The following ORC4 variants were observed in gnomAD, a reference collection of about 807,000 sequenced individuals.
ORC4 encodes origin recognition complex subunit 4, also known as origin recognition complex, subunit 4 homolog.
Under a neutral mutation model 63.9 loss-of-function variants are expected in ORC4, and 55 were observed. The ratio of observed to expected loss-of-function variants is 0.86; its 90% CI spans 0.69 to 1.08. The LOEUF is 1.08. Ranked by LOEUF, ORC4 falls within the 50% of genes least tolerant of loss-of-function variation. The pLI, the probability that ORC4 is intolerant of heterozygous loss-of-function variation, is 0.00. For synonymous variants in ORC4, 150 were observed against 168.5 expected, an observed-to-expected ratio of 0.89 and a Z score of 0.85; for missense variants, 511 against 504.4, an observed-to-expected ratio of 1.01 and a Z score of -0.13.
upstream of ORC4, chr2:148,021,510 G>A (rs184721377): frequency 3.5e-6 from 2 of 575,340 alleles, no homozygotes; most frequent in East Asian, 4.5e-5. Context: ...TGCTGCTGCT[G>A]CTACTGCTGC....
In ORC4 at chr2:148,013,720, A is replaced by C. The variant is rs1396265086; in HGVS notation, c.-18+6913T>G. On this transcript the variant is annotated intron_variant, in intron 1 of 13. Coordinates refer to ENST00000392857, the MANE Select transcript of ORC4 (RefSeq NM_181741.4). The stretch of plus-strand genomic sequence containing the variant: ...TGTATCCATAGTAATTAAAAATTAA[A>C]ATTTTTAAATATATGAGTTAAGTTA... Among the ~76,000 whole-genome samples the C allele has an allele frequency of 2.0e-5, 3 of 152,176 alleles. No individual in the cohort carries two copies. In the East Asian group the frequency reaches 5.8e-4, roughly 29 times the overall value.
intron 5 of ORC4, 161 bp downstream of exon 5, chr2:147,958,630 T>C (rs940236423): frequency 1.7e-6 from 1 of 585,754 alleles, no homozygotes; most frequent in South Asian, 2.5e-5. Context: ...TCCTTCATTA[T>C]TATTATTTTA....
At chr2:148,004,293 C>T (rs528927592) in intron 1 of ORC4, among the ~76,000 whole-genome samples, 5 of 152,144 alleles carry the variant, frequency 3.3e-5, no homozygotes, top group African/African-American at 1.2e-4. Flanking sequence ...AAAAAGAGCC[C>T]GCATAAGCCA....
intron 6 of ORC4, among the ~76,000 whole-genome samples, chr2:147,955,776 G>A (rs1689212508): frequency 6.6e-6 from 1 of 151,958 alleles, no homozygotes; most frequent in Non-Finnish European, 1.5e-5. Context: ...CCTAGAAATG[G>A]ATTCTACTTT....
At chr2:147,992,611 G>T (rs1425918747) in intron 1 of ORC4, among the ~76,000 whole-genome samples, 1 of 152,140 alleles carries the variant, frequency 6.6e-6, no homozygotes, top group African/African-American at 2.4e-5. Flanking sequence ...CATTTGAGAA[G>T]AATAATGAAT....
chr2:148,005,206 C>T (rs1377656215), intron 1 of ORC4, among the ~76,000 whole-genome samples: 1 of 152,154 alleles, frequency 6.6e-6, no homozygotes, highest in Non-Finnish European at 1.5e-5. Context: ...CACATATACG[C>T]CATGGAATAC....
chr2:147,992,933 A>C (rs117123714), intron 1 of ORC4, among the ~76,000 whole-genome samples: 520 of 152,278 alleles, frequency 3.4e-3, no homozygotes, highest in East Asian at 8.3e-3. Context: ...TCTGTGTAAA[A>C]ACTAACTATA....
chr2:147,947,303 T>C (rs1688713725), intron 9 of ORC4, among the ~76,000 whole-genome samples: 1 of 152,064 alleles, frequency 6.6e-6, no homozygotes, highest in African/African-American at 2.4e-5. Flanking sequence ...TTTGAGATTC[T>C]AGCATAAGGG....
At chr2:148,012,153 A>G (rs999617751) in intron 1 of ORC4, among the ~76,000 whole-genome samples, 9 of 152,206 alleles carry the variant, frequency 5.9e-5, no homozygotes, top group African/African-American at 2.2e-4. Flanking sequence ...TCCTGACCAA[A>G]AAGAACAGAG....
Position 147,980,144 on chromosome 2 carries a change from C to T in ORC4, c.-17-4169G>A, listed in dbSNP as rs1444496503. ...AAACTATTTGCAAATCTTACATCTG[C>T]TAACAGGTTAAAATCCAAAATATGT... On this transcript the variant is annotated intron_variant, in intron 1 of 13. Transcript: ENST00000392857. Among the ~76,000 whole-genome samples, 3 of 152,026 alleles carry T rather than the reference C, an allele frequency of 2.0e-5. No individual in the cohort carries two copies. The East Asian group carries it at 5.8e-4, about 29-fold the overall frequency.
chr2:147,992,373 C>T (rs1298246063), intron 1 of ORC4, among the ~76,000 whole-genome samples: 2 of 152,158 alleles, frequency 1.3e-5, no homozygotes, highest in Non-Finnish European at 1.5e-5. Context: ...CCTCCTGACT[C>T]AGCCTCCTAA....
At chr2:148,021,050 A>G, upstream of ORC4, 1 of 152,652 alleles carries the variant, frequency 6.6e-6, no homozygotes, top group Non-Finnish European at 1.5e-5. Context: ...ATGCGCAGTG[A>G]GTGCCTCCCG....
At chr2:147,957,106 T>C (rs1689295889) in intron 6 of ORC4, among the ~76,000 whole-genome samples, 1 of 147,856 alleles carries the variant, frequency 6.8e-6, no homozygotes, top group African/African-American at 2.5e-5. Flanking sequence ...TATAGATTAA[T>C]ATATTATATT....
chr2:147,986,788 CAT>C (rs1213669475), intron 1 of ORC4, among the ~76,000 whole-genome samples: 5 of 120,278 alleles, frequency 4.2e-5, no homozygotes, highest in African/African-American at 1.1e-4. Flanking sequence ...CACACACACA[CAT>C]ACACACACAC....
At chr2:147,970,550 TGA>T (rs1373040426) in intron 4 of ORC4, among the ~76,000 whole-genome samples, 1 of 150,820 alleles carries the variant, frequency 6.6e-6, no homozygotes, top group Non-Finnish European at 1.5e-5. Flanking sequence ...AACTGATCTT[TGA>T]CAAAGAAGCA....
At chr2:148,006,569 C>T (rs1229133989) in intron 1 of ORC4, among the ~76,000 whole-genome samples, 1 of 152,090 alleles carries the variant, frequency 6.6e-6, no homozygotes, top group Non-Finnish European at 1.5e-5. Context: ...GTTTTGCAAC[C>T]GGAGTATTGG....
At chr2:148,008,368 C>T in intron 1 of ORC4, among the ~76,000 whole-genome samples, 1 of 152,044 alleles carries the variant, frequency 6.6e-6, no homozygotes, top group Non-Finnish European at 1.5e-5. Flanking sequence ...GAAAATCAAG[C>T]AAAACAACTA....
intron 4 of ORC4, among the ~76,000 whole-genome samples, chr2:147,968,478 T>C (rs116075959): frequency 9.1e-4 from 139 of 152,114 alleles, no homozygotes; most frequent in African/African-American, 3.3e-3. Flanking sequence ...ACAGGCAAAT[T>C]ATCTGAACAG....
At chr2:147,956,944 C>A (rs1689283130) in intron 6 of ORC4, among the ~76,000 whole-genome samples, 1 of 151,580 alleles carries the variant, frequency 6.6e-6, no homozygotes, top group Admixed American at 6.6e-5. Context: ...CAGTATAGGC[C>A]ACTAGCTTCA....
Sources: allele counts gnomAD v4.1 joint callset (sites outside exome capture counted in the v4.1 genomes callset), GRCh38; gene constraint gnomAD v4.1.1; transcripts MANE v1.5; gene names NCBI Gene and HGNC (gene_info 2026-07-23, HGNC 2026-07-21).